FRYL: variants seen among roughly 807,000 people sequenced by gnomAD.
FRYL encodes FRY like transcription coactivator.
Under a neutral mutation model 351.2 loss-of-function variants are expected in FRYL, and 150 were observed. That is an observed-to-expected ratio of 0.43 (90% CI 0.37 to 0.49). FRYL has a LOEUF of 0.49. Ranked by LOEUF, FRYL falls within the 20% of genes least tolerant of loss-of-function variation. The probability of loss-of-function intolerance (pLI) is 0.00; values close to 1 mark genes in which losing one functional copy is unlikely to be tolerated. For synonymous variants in FRYL, 1,153 were observed against 1,257.1 expected (o/e 0.92, Z 1.75); for missense variants, 3,036 against 3,619.3 (o/e 0.84, Z 4.13).
In FRYL at chr4:48,576,900, A is replaced by AT. The variant is rs1257748699; in HGVS notation, c.2529-679dup. ...ATATACATGAACTATAAGTGCATGA[A>AT]TACATCTCTTTTAATTTATACGAAT... On this transcript the variant is annotated intron_variant, in intron 23 of 63. Transcript: ENST00000358350. Among the ~76,000 whole-genome samples the AT allele has an allele frequency of 4.6e-5, 7 of 152,322 alleles. No individual in the cohort carries two copies. The East Asian group carries it at 1.3e-3, about 29-fold the overall frequency.
Position 48,575,190 on chromosome 4 carries a change from T to C in FRYL, c.2773A>G (p.Met925Val). Residue 925 changes from methionine to valine, a missense_variant, in exon 25 of 64, where the codon ATG becomes GTG. Coordinates refer to ENST00000358350, the MANE Select transcript of FRYL (RefSeq NM_015030.2). ...GTGATTTCCATGCTCTCAGAACGCA[T>C]CATTGGAACTATGTGCTTAAACAAG... ...SSLFKHIVPM[M>V]RSESMEITES... 3.1e-6 allele frequency: 5 copies of C among 1,613,900 alleles called. No homozygotes were observed. Among genetic ancestry groups the C allele is most frequent in the Non-Finnish European group, 4.2e-6 (5 of 1,179,816 alleles).
intron 7 of FRYL, among the ~76,000 whole-genome samples, chr4:48,611,556 G>C (rs1578342842): frequency 6.6e-6 from 1 of 151,830 alleles, no homozygotes; most frequent in East Asian, 1.9e-4. Flanking sequence ...TTAATAATAA[G>C]TTCTCATATC....
At chr4:48,584,303 T>C (rs1255784481) in intron 19 of FRYL, among the ~76,000 whole-genome samples, 1 of 152,180 alleles carries the variant, frequency 6.6e-6, no homozygotes, top group Non-Finnish European at 1.5e-5. Context: ...AATGGAGTTA[T>C]CCACAACAGA....
intron 4 of FRYL, among the ~76,000 whole-genome samples, chr4:48,632,100 A>ATATATATATATATATATGTG (rs1753243031): frequency 3.4e-5 from 1 of 29,318 alleles, no homozygotes; most frequent in Non-Finnish European, 7.4e-5. Context: ...AAATATATAT[A>ATATATATATATATATATGTG]TATATATATA....
intron 7 of FRYL, among the ~76,000 whole-genome samples, chr4:48,615,451 CTTGT>C (rs1418992450): frequency 6.6e-6 from 1 of 152,186 alleles, no homozygotes; most frequent in African/African-American, 2.4e-5. Context: ...TTCTCAACTT[CTTGT>C]TTGTTTTAAA....
In FRYL at chr4:48,605,923, A is replaced by G. The variant is rs1560701141; in HGVS notation, c.742-90T>C. On this transcript the variant is annotated intron_variant, in intron 10 of 63. Coordinates refer to ENST00000358350, the MANE Select transcript of FRYL (RefSeq NM_015030.2). ...CACATCATTTTGTGAACACTCTGTC[A>G]TTTTACCAAAAAACTAAGGTCAATG... 11 of 782,192 alleles carry G rather than the reference A, an allele frequency of 1.4e-5. No individual in the cohort carries two copies. The East Asian group carries it at 2.1e-4, about 15-fold the overall frequency. 48.5% of individuals were successfully genotyped at this position (782,192 alleles called of 1,614,324 possible).
At chr4:48,512,385 A>T in intron 57 of FRYL, 96 bp downstream of exon 57, 1 of 982,382 alleles carries the variant, frequency 1.0e-6, no homozygotes, top group Non-Finnish European at 1.5e-6. Flanking sequence ...TAAAACTGGT[A>T]GGAATATTAA....
At chr4:48,521,311 A>C in intron 54 of FRYL, 96 bp from the exon 55 acceptor site, 1 of 849,688 alleles carries the variant, frequency 1.2e-6, no homozygotes, top group Non-Finnish European at 1.8e-6. Flanking sequence ...CTTCGTTATA[A>C]AGAGCTTCTG....
intron 33 of FRYL, among the ~76,000 whole-genome samples, chr4:48,561,100 C>A (rs1344304855): frequency 6.6e-6 from 1 of 152,174 alleles, no homozygotes; most frequent in Non-Finnish European, 1.5e-5. Flanking sequence ...TTTATCCCTG[C>A]CTATTTTTAT....
chr4:48,645,124 T>TATA (rs1756133820), intron 3 of FRYL, among the ~76,000 whole-genome samples: 10 of 105,438 alleles, frequency 9.5e-5, no homozygotes, highest in Admixed American at 2.4e-4. Flanking sequence ...AGCTTTCATT[T>TATA]TATATATATA....
intron 33 of FRYL, among the ~76,000 whole-genome samples, chr4:48,559,679 G>A (rs1734996831): frequency 9.2e-6 from 1 of 108,888 alleles, no homozygotes; most frequent in Non-Finnish European, 1.9e-5. Flanking sequence ...AGGAAGAGGG[G>A]GAGGGGGATA....
intron 3 of FRYL, among the ~76,000 whole-genome samples, chr4:48,643,577 A>G (rs1272277870): frequency 6.6e-6 from 1 of 151,998 alleles, no homozygotes; most frequent in Non-Finnish European, 1.5e-5. Context: ...AAAAACAGAA[A>G]CTGAAGTGCT....
At chr4:48,617,205 G>A (rs1749661941) in intron 7 of FRYL, among the ~76,000 whole-genome samples, 2 of 152,092 alleles carry the variant, frequency 1.3e-5, no homozygotes, top group Admixed American at 1.3e-4. Context: ...GAATAATATG[G>A]TGACAGATCC....
At chr4:48,502,694 C>CA in intron 61 of FRYL, 134 bp downstream of exon 61, 1 of 580,286 alleles carries the variant, frequency 1.7e-6, no homozygotes, top group Admixed American at 3.3e-5. Flanking sequence ...TAGGGCTTTG[C>CA]AAAACTGAAG....
intron 24 of FRYL, among the ~76,000 whole-genome samples, chr4:48,575,590 C>G (rs1017938277): frequency 6.6e-6 from 1 of 152,174 alleles, no homozygotes; most frequent in African/African-American, 2.4e-5. Flanking sequence ...GTCAGACACG[C>G]TGGTCTTAAG....
At chr4:48,504,904 C>T (rs1720574795) in intron 60 of FRYL, among the ~76,000 whole-genome samples, 2 of 151,978 alleles carry the variant, frequency 1.3e-5, no homozygotes, top group African/African-American at 4.8e-5. Flanking sequence ...AATAATATAA[C>T]CAAAGGTAGA....
intron 5 of FRYL, among the ~76,000 whole-genome samples, chr4:48,621,691 GAGTTAGTTATTGA>G (rs1367530904): frequency 6.6e-6 from 1 of 152,138 alleles, no homozygotes; most frequent in Non-Finnish European, 1.5e-5. Context: ...ACTAGAGCAG[GAGTTAGTTATTGA>G]AGAAGATAAA....
intron 3 of FRYL, among the ~76,000 whole-genome samples, chr4:48,636,322 G>A (rs1430410904): frequency 1.3e-5 from 2 of 152,086 alleles, no homozygotes; most frequent in East Asian, 3.9e-4. Flanking sequence ...TTAACTTAAG[G>A]TAGTGGTTAC....
intron 29 of FRYL, 134 bp downstream of exon 29, chr4:48,565,397 T>A (rs1352208609): frequency 1.8e-6 from 1 of 550,664 alleles, no homozygotes; most frequent in African/African-American, 2.0e-5. Context: ...ATATAACTTA[T>A]GGTATAAGTT....
Sources: gnomAD v4.1 joint callset for allele counts (sites outside exome capture counted in the v4.1 genomes callset) on GRCh38, gnomAD v4.1.1 for gene constraint, MANE v1.5 for transcripts, NCBI Gene and HGNC (gene_info 2026-07-23, HGNC 2026-07-21) for gene names.